Variants in DENND1A observed in about 807,000 individuals in gnomAD.
The protein encoded by DENND1A is DENN domain containing 1A.
DENND1A carries 51 observed loss-of-function variants against 113.7 expected under a neutral mutation model. The observed-to-expected ratio is 0.45, with a 90% CI of 0.36 to 0.57. DENND1A has a LOEUF of 0.57. Ranked by LOEUF, DENND1A falls within the 20% of genes least tolerant of loss-of-function variation. The pLI, the probability that DENND1A is intolerant of heterozygous loss-of-function variation, is 0.00. For synonymous variants in DENND1A, 565 were observed against 570.8 expected, an observed-to-expected ratio of 0.99 and a Z score of 0.14; for missense variants, 1,258 against 1,395.9, an observed-to-expected ratio of 0.90 and a Z score of 1.57.
intron 5 of DENND1A, among the ~76,000 whole-genome samples, chr9:123,738,632 T>G (rs993153188): frequency 1.3e-5 from 2 of 152,206 alleles, no homozygotes; most frequent in Non-Finnish European, 2.9e-5. Context: ...TATCCTAAAG[T>G]GCTGAAAGAA....
At chr9:123,728,493 A>C (rs1181732884) in intron 5 of DENND1A, among the ~76,000 whole-genome samples, 1 of 144,998 alleles carries the variant, frequency 6.9e-6, no homozygotes, top group Non-Finnish European at 1.5e-5. Flanking sequence ...AAAAAAAAAA[A>C]AAAAAAAAAA....
intron 19 of DENND1A, among the ~76,000 whole-genome samples, chr9:123,431,189 G>A (rs1387267302): frequency 1.3e-5 from 2 of 152,160 alleles, no homozygotes; most frequent in Non-Finnish European, 2.9e-5. Flanking sequence ...TTGTGGGTAT[G>A]GGGTTGGACT....
intron 18 of DENND1A, among the ~76,000 whole-genome samples, chr9:123,444,666 A>T (rs2047169416): frequency 6.6e-6 from 1 of 152,208 alleles, no homozygotes; most frequent in Non-Finnish European, 1.5e-5. Flanking sequence ...AAAATAAAAT[A>T]AAGACATGGG....
intron 15 of DENND1A, among the ~76,000 whole-genome samples, chr9:123,455,391 C>T (rs574284614): frequency 6.2e-4 from 94 of 152,352 alleles, no homozygotes; most frequent in Non-Finnish European, 7.1e-4. Context: ...TGTCCCACCA[C>T]GGGGAACTAC....
intron 2 of DENND1A, among the ~76,000 whole-genome samples, chr9:123,835,012 C>T (rs529954623): frequency 1.3e-5 from 2 of 151,478 alleles, no homozygotes; most frequent in East Asian, 3.9e-4. Context: ...TGCCAACAGG[C>T]AAGAGCCCAG....
At chr9:123,395,148 G>A (rs1050723682) in intron 21 of DENND1A, among the ~76,000 whole-genome samples, 4 of 152,196 alleles carry the variant, frequency 2.6e-5, no homozygotes, top group Admixed American at 2.0e-4. Flanking sequence ...GGAAGGCAAA[G>A]CCTTTCAGGG....
chr9:123,496,163 T>A (rs376950787), intron 13 of DENND1A, among the ~76,000 whole-genome samples: 19 of 152,250 alleles, frequency 1.2e-4, no homozygotes, highest in African/African-American at 4.1e-4. Context: ...AAAAAAACCA[T>A]TAAAATGACT....
intron 2 of DENND1A, among the ~76,000 whole-genome samples, chr9:123,874,264 T>C (rs1847106943): frequency 1.4e-5 from 2 of 147,534 alleles, no homozygotes; most frequent in South Asian, 4.3e-4. Context: ...TAGGAAAATA[T>C]TGATAAATTA....
rs1472964681 is a variant in DENND1A at position 123,381,871 on chromosome 9, G to A, written c.2774C>T (p.Pro925Leu). The change falls in exon 24 of 24, where the codon CCG becomes CTG. Residue 925 changes from proline to leucine, a missense_variant. Physicochemically the swap from Pro to Leu is moderately conservative, Grantham distance 98 (BLOSUM62 -3). Coordinates refer to ENST00000394215, the MANE Select transcript of DENND1A (RefSeq NM_001352964.2). This position sits in a 1 kb window ranked among gnomAD's most constrained non-coding sequence, Gnocchi z 4.7. Reference protein sequence around the residue: ...PFGAPPASLGPAFASGLLLSS... With the variant: ...PFGAPPASLGLAFASGLLLSS... The stretch of plus-strand genomic sequence containing the variant: ...CAGCAGGAGGCCGGACGCAAAAGCC[G>A]GCCCCAGGGAAGCTGGAGGGGCCCC... 55 of 1,429,814 alleles carry A rather than the reference G, an allele frequency of 3.8e-5. No homozygotes were observed. The highest frequency in any genetic ancestry group is 7.3e-5 in the African/African-American group (5 of 68,316). 88.6% of individuals were successfully genotyped at this position (1,429,814 alleles called of 1,614,324 possible).
chr9:123,848,862 C>G (rs956570899), intron 2 of DENND1A, among the ~76,000 whole-genome samples: 3 of 152,170 alleles, frequency 2.0e-5, no homozygotes, highest in Non-Finnish European at 4.4e-5. Context: ...AAACCAGCCA[C>G]AACATTCCCT....
intron 13 of DENND1A, among the ~76,000 whole-genome samples, chr9:123,463,248 G>A (rs2048677512): frequency 6.6e-6 from 1 of 152,254 alleles, no homozygotes; most frequent in East Asian, 1.9e-4. Context: ...TAACCCTGTC[G>A]AGAACTTTGT....
chr9:123,601,101 C>A (rs760151375), intron 11 of DENND1A, among the ~76,000 whole-genome samples: 1 of 152,092 alleles, frequency 6.6e-6, no homozygotes, highest in Non-Finnish European at 1.5e-5. Context: ...TAGGAAAATA[C>A]GAAAACAAAA....
At position 123,678,202 on chromosome 9, in the gene DENND1A, G is replaced by A. The variant is rs914376288; in HGVS notation, c.303-1413C>T. Among the ~76,000 whole-genome samples, 43 of 152,236 alleles carry A rather than the reference G, an allele frequency of 2.8e-4. 1 individual carries two copies. The highest frequency in any genetic ancestry group is 9.6e-4 in the African/African-American group (40 of 41,532). ...GACCACATGCAAACAGAGAGGAAGG[G>A]GCCTATCTTTCTTCACTTTGTCTTT... On this transcript the variant is annotated intron_variant, in intron 5 of 23. Coordinates refer to ENST00000394215, the MANE Select transcript of DENND1A (RefSeq NM_001352964.2).
intron 11 of DENND1A, among the ~76,000 whole-genome samples, chr9:123,588,633 A>AGGGGGGGGG (rs1290448078): frequency 1.2e-5 from 1 of 86,462 alleles, no homozygotes; most frequent in Non-Finnish European, 2.3e-5. Flanking sequence ...AAAAAAAAAA[A>AGGGGGGGGG]GGGGGGGGGG....
intron 9 of DENND1A, among the ~76,000 whole-genome samples, chr9:123,640,067 T>C (rs2061946548): frequency 6.6e-6 from 1 of 152,198 alleles, no homozygotes; most frequent in African/African-American, 2.4e-5. Context: ...CCCATGAAAC[T>C]GCTTCTGTGC....
intron 5 of DENND1A, among the ~76,000 whole-genome samples, chr9:123,728,506 A>AAAAAAAAAC (rs1564150268): frequency 2.7e-5 from 4 of 145,902 alleles, no homozygotes; most frequent in African/African-American, 1.1e-4. Flanking sequence ...AAAAAAAAAA[A>AAAAAAAAAC]AAAACAGGCA....
chr9:123,552,928 G>C (rs561499526), intron 13 of DENND1A, among the ~76,000 whole-genome samples: 1 of 152,242 alleles, frequency 6.6e-6, no homozygotes, highest in Non-Finnish European at 1.5e-5. Context: ...GTTTAGCACA[G>C]TGTGGTATCA....
At chr9:123,841,244 G>C (rs1308739420) in intron 2 of DENND1A, among the ~76,000 whole-genome samples, 1 of 152,020 alleles carries the variant, frequency 6.6e-6, no homozygotes, top group African/African-American at 2.4e-5. Flanking sequence ...AGCAATAAGT[G>C]GATCTATCCA....
At chr9:123,854,359 A>C (rs1027240364) in intron 2 of DENND1A, among the ~76,000 whole-genome samples, 1 of 152,180 alleles carries the variant, frequency 6.6e-6, no homozygotes, top group African/African-American at 2.4e-5. Context: ...TCAGATTTAA[A>C]AATAAAATTC....
Sources: allele counts gnomAD v4.1 joint callset (sites outside exome capture counted in the v4.1 genomes callset), GRCh38; gene constraint gnomAD v4.1.1; non-coding constraint Gnocchi (gnomAD v3.1); transcripts MANE v1.5; gene names NCBI Gene and HGNC (gene_info 2026-07-23, HGNC 2026-07-21).